The following DENND1B variants were observed in gnomAD, a reference collection of about 807,000 sequenced individuals.
The protein encoded by DENND1B is DENN domain containing 1B.
In DENND1B, 59 loss-of-function variants were observed where a neutral mutation model predicts 90.1. That is an observed-to-expected ratio of 0.65 (90% CI 0.53 to 0.81). DENND1B has a LOEUF of 0.81. Ranked by LOEUF, DENND1B falls within the 40% of genes least tolerant of loss-of-function variation. The pLI is 0.00. For synonymous variants in DENND1B, 337 were observed against 324.6 expected, an observed-to-expected ratio of 1.04 and a Z score of -0.41; for missense variants, 862 against 912.6, an observed-to-expected ratio of 0.94 and a Z score of 0.71.
At position 197,507,908 on chromosome 1, in the gene DENND1B, T is replaced by C. The variant is rs1667801655; in HGVS notation, c.*2552A>G. ...TGTTTTTAAAGAATAACATGCAGAA[T>C]TGTTTTTCTGCCTTTGTTTTTAAAA... On this transcript the variant is annotated 3_prime_UTR_variant, in exon 23 of 23. Transcript: ENST00000620048. 6.6e-6 allele frequency: 1 copy of C among 151,702 alleles called. No individual in the cohort carries two copies. Among genetic ancestry groups the C allele is most frequent in the African/African-American group, 2.4e-5 (1 of 41,396 alleles). The allele number at this position is 151,702 out of a possible 1,614,324, so 9.4% of individuals were successfully genotyped here.
intron 7 of DENND1B, among the ~76,000 whole-genome samples, chr1:197,651,523 A>AT (rs1392533916): frequency 6.6e-6 from 1 of 151,780 alleles, no homozygotes; most frequent in Non-Finnish European, 1.5e-5. Context: ...TTTTTATCAC[A>AT]TATTTATATG....
At chr1:197,754,647 G>A (rs532303348) in intron 2 of DENND1B, among the ~76,000 whole-genome samples, 4 of 95,984 alleles carry the variant, frequency 4.2e-5, no homozygotes, top group South Asian at 4.0e-4. Flanking sequence ...GCAACAATGC[G>A]AGACTCTGTC....
intron 3 of DENND1B, among the ~76,000 whole-genome samples, chr1:197,713,771 A>T (rs1279651041): frequency 1.7e-4 from 5 of 29,120 alleles, no homozygotes; most frequent in African/African-American, 8.9e-4. Context: ...ATTATATTAT[A>T]TTATTATATT....
At chr1:197,545,820 T>C (rs920098593) in intron 18 of DENND1B, 102 bp downstream of exon 18, 4 of 1,056,818 alleles carry the variant, frequency 3.8e-6, no homozygotes, top group Non-Finnish European at 4.0e-6. Context: ...TTTAGGTTTA[T>C]TTAAAAGAAA....
At chr1:197,601,401 A>G (rs1676198655) in intron 13 of DENND1B, among the ~76,000 whole-genome samples, 1 of 151,742 alleles carries the variant, frequency 6.6e-6, no homozygotes, top group South Asian at 2.1e-4. Context: ...GGGAACTGCT[A>G]TTGTGACAGT....
chr1:197,704,898 C>T (rs548921485), intron 3 of DENND1B, among the ~76,000 whole-genome samples: 1 of 151,870 alleles, frequency 6.6e-6, no homozygotes, highest in South Asian at 2.1e-4. Context: ...GTCAGACAAA[C>T]ATGTCTTCAA....
intron 14 of DENND1B, among the ~76,000 whole-genome samples, chr1:197,588,484 T>TA (rs1471616647): frequency 6.6e-6 from 1 of 152,128 alleles, no homozygotes; most frequent in African/African-American, 2.4e-5. Flanking sequence ...AATGATAACG[T>TA]AAAAAATGTG....
intron 14 of DENND1B, among the ~76,000 whole-genome samples, chr1:197,594,444 C>T (rs925093106): frequency 6.6e-6 from 1 of 152,114 alleles, no homozygotes; most frequent in African/African-American, 2.4e-5. Context: ...GTCAAGGTTA[C>T]GCAGTTTAGT....
intron 6 of DENND1B, among the ~76,000 whole-genome samples, chr1:197,657,341 C>T (rs764128902): frequency 4.6e-5 from 7 of 152,168 alleles, no homozygotes; most frequent in Non-Finnish European, 8.8e-5. Context: ...AAGTACTTCT[C>T]TAGAGACTTT....
intron 10 of DENND1B, among the ~76,000 whole-genome samples, chr1:197,618,719 T>C (rs1677881704): frequency 6.6e-6 from 1 of 151,136 alleles, no homozygotes; most frequent in Non-Finnish European, 1.5e-5. Flanking sequence ...AGTTTTGCTA[T>C]AGTCTGTATT....
At chr1:197,572,516 C>T (rs924900899) in intron 15 of DENND1B, among the ~76,000 whole-genome samples, 10 of 152,232 alleles carry the variant, frequency 6.6e-5, no homozygotes, top group Non-Finnish European at 1.2e-4. Flanking sequence ...GCAGCAGAAA[C>T]TTCTGCAGAC....
chr1:197,524,906 C>T (rs951308189), intron 20 of DENND1B, among the ~76,000 whole-genome samples: 1 of 151,954 alleles, frequency 6.6e-6, no homozygotes, highest in African/African-American at 2.4e-5. Flanking sequence ...CAGAACTGAC[C>T]CCTTTACAGA....
In DENND1B at chr1:197,566,316, T is replaced by C. The variant is rs559121261; in HGVS notation, c.1150-13204A>G. On this transcript the variant is annotated intron_variant, in intron 15 of 22. Transcript: ENST00000620048. ...TTGAGAAGTGTCTGTTCATGTCCTT[T>C]GCCCACTTTTTGATGGGGTTGTTTG... Among the ~76,000 whole-genome samples, 321 of 152,182 alleles carry C rather than the reference T, an allele frequency of 2.1e-3. 1 individual carries two copies. The highest frequency in any genetic ancestry group is 3.9e-3 in the Non-Finnish European group (262 of 67,968).
intron 14 of DENND1B, among the ~76,000 whole-genome samples, chr1:197,589,314 C>A (rs1465148304): frequency 6.6e-6 from 1 of 152,040 alleles, no homozygotes; most frequent in East Asian, 1.9e-4. Context: ...AAGCAAAATT[C>A]TCTCCCTACT....
chr1:197,689,940 GCT>G (rs1657679873), intron 3 of DENND1B: 1 of 153,358 alleles, frequency 6.5e-6, no homozygotes, highest in African/African-American at 2.4e-5. Flanking sequence ...GTGAAACCAT[GCT>G]GCTTAAAGCT....
chr1:197,654,505 G>C (rs1426557548), intron 6 of DENND1B, among the ~76,000 whole-genome samples: 6 of 152,000 alleles, frequency 3.9e-5, no homozygotes, highest in Non-Finnish European at 8.8e-5. Context: ...ATCTACTTGG[G>C]AGAGTGAGGC....
Position 197,572,988 on chromosome 1 carries a change from C to A in DENND1B, c.1149+10164G>T, listed in dbSNP as rs184333926. Among the ~76,000 whole-genome samples the A allele has an allele frequency of 5.6e-3, 845 of 152,034 alleles. 9 individuals carry two copies. The highest frequency in any genetic ancestry group is 0.024 in the Middle Eastern group (7 of 294). On this transcript the variant is annotated intron_variant, in intron 15 of 22. Transcript: ENST00000620048. ...TTTCTGTGGGATCGGTGGTGATATCCCCTTTATCATTTTTTATTGCGTCTA... is the reference window on the plus strand; with the variant it reads ...TTTCTGTGGGATCGGTGGTGATATCACCTTTATCATTTTTTATTGCGTCTA...
chr1:197,663,431 C>T (rs1466885092), intron 5 of DENND1B, among the ~76,000 whole-genome samples: 2 of 152,110 alleles, frequency 1.3e-5, no homozygotes, highest in African/African-American at 4.8e-5. Flanking sequence ...AAAGCAAGGA[C>T]ATTTTCTGTT....
chr1:197,751,843 GGGGAA>G (rs1188767425), intron 2 of DENND1B, among the ~76,000 whole-genome samples: 3 of 149,906 alleles, frequency 2.0e-5, no homozygotes, highest in South Asian at 4.2e-4. Flanking sequence ...GGGGAGGGGA[GGGGAA>G]GGGAAGGGAA....
Sources: gnomAD v4.1 joint callset for allele counts (sites outside exome capture counted in the v4.1 genomes callset) on GRCh38, gnomAD v4.1.1 for gene constraint, MANE v1.5 for transcripts, NCBI Gene and HGNC (gene_info 2026-07-23, HGNC 2026-07-21) for gene names.